Variants in PRDM5 observed in about 807,000 individuals in gnomAD.
PRDM5 encodes the protein PR domain zinc finger protein 5.
A neutral mutation model predicts 81.2 loss-of-function variants in PRDM5; 56 were observed. The observed-to-expected ratio is 0.69, with a 90% CI of 0.56 to 0.86. PRDM5 has a LOEUF of 0.86. PRDM5 is among the 40% of genes least tolerant of loss of function. The pLI is 0.00. For synonymous variants in PRDM5, 267 were observed against 256.4 expected (o/e 1.04, Z -0.39); for missense variants, 697 against 770.1 (o/e 0.91, Z 1.12).
downstream of PRDM5, among the ~76,000 whole-genome samples, chr4:120,687,703 G>A (rs1013172034): frequency 6.6e-6 from 1 of 152,138 alleles, no homozygotes; most frequent in East Asian, 1.9e-4. Context: ...AGTATTAAGA[G>A]GTGGGACTTT....
intron 10 of PRDM5, among the ~76,000 whole-genome samples, chr4:120,793,064 C>T (rs982579916): frequency 2.6e-5 from 4 of 152,186 alleles, no homozygotes; most frequent in African/African-American, 4.8e-5. Flanking sequence ...CAATATCAGC[C>T]CGTAGCCTGT....
chr4:120,885,926 C>T (rs1177434681), intron 2 of PRDM5: 1 of 151,980 alleles, frequency 6.6e-6, no homozygotes, highest in Non-Finnish European at 1.5e-5. Flanking sequence ...CTTCTAATTC[C>T]AAGCATTCTT....
intron 1 of PRDM5, among the ~76,000 whole-genome samples, chr4:120,920,588 C>T (rs903928839): frequency 5.3e-5 from 8 of 152,138 alleles, no homozygotes; most frequent in Non-Finnish European, 8.8e-5. Context: ...GCTTTGTCTT[C>T]GTCCTCAGAT....
In PRDM5 at chr4:120,821,276, G is replaced by T; in HGVS notation, c.370C>A (p.Leu124Met). 6.2e-7 allele frequency: 1 copy of T among 1,613,894 alleles called. No homozygotes were observed. ...ETDTELLIGY[L>M]DSDMEAEEEE... Reference sequence around the variant, plus strand: ...TCCTCAGCCTCCATGTCACTATCCAGGTAGCCAATCAGAAGCTCCGTGTCT... The same window carrying T: ...TCCTCAGCCTCCATGTCACTATCCATGTAGCCAATCAGAAGCTCCGTGTCT... The change falls in exon 4 of 16, where the codon CTG becomes ATG. Residue 124 changes from leucine (L) to methionine (M), a missense_variant. Leu to Met is a conservative substitution (Grantham distance 15). Transcript: ENST00000264808.
intron 10 of PRDM5, among the ~76,000 whole-genome samples, chr4:120,792,975 C>A (rs1257973319): frequency 6.6e-6 from 1 of 152,078 alleles, no homozygotes; most frequent in Admixed American, 6.5e-5. Flanking sequence ...GTTTCAGTTA[C>A]ACAGGATAAG....
intron 3 of PRDM5, among the ~76,000 whole-genome samples, chr4:120,826,962 A>G (rs755019245): frequency 2.0e-5 from 3 of 152,170 alleles, no homozygotes; most frequent in Non-Finnish European, 4.4e-5. Context: ...TTTGCTTTAA[A>G]TCTATCTCTT....
chr4:120,900,148 T>TA (rs956132737), intron 2 of PRDM5, among the ~76,000 whole-genome samples: 1 of 152,172 alleles, frequency 6.6e-6, no homozygotes. Context: ...TTTGGGTTTT[T>TA]ATGGAAGCTT....
At chr4:120,735,242 T>TC (rs1479202482) in intron 14 of PRDM5, among the ~76,000 whole-genome samples, 1 of 152,234 alleles carries the variant, frequency 6.6e-6, no homozygotes, top group Non-Finnish European at 1.5e-5. Flanking sequence ...CACCATGGTG[T>TC]CATCCAACTT....
chr4:120,910,141 GAAAAACACTGACATT>G (rs1428033646), intron 1 of PRDM5, among the ~76,000 whole-genome samples: 1 of 151,876 alleles, frequency 6.6e-6, no homozygotes, highest in African/African-American at 2.4e-5. Flanking sequence ...TTCACAGCTT[GAAAAACACTGACATT>G]AAAAACACTG....
chr4:120,780,082 G>A (rs1447827578), intron 12 of PRDM5, among the ~76,000 whole-genome samples: 2 of 151,204 alleles, frequency 1.3e-5, no homozygotes, highest in African/African-American at 2.5e-5. Flanking sequence ...GATAGATACT[G>A]AAACAGGAGT....
At chr4:120,839,894 G>A (rs998269689) in intron 3 of PRDM5, among the ~76,000 whole-genome samples, 3 of 152,222 alleles carry the variant, frequency 2.0e-5, no homozygotes, top group African/African-American at 7.2e-5. Context: ...GGGGAGCTGA[G>A]GCAGCAGGCA....
At chr4:120,731,439 T>C (rs1740240566) in intron 14 of PRDM5, among the ~76,000 whole-genome samples, 1 of 150,826 alleles carries the variant, frequency 6.6e-6, no homozygotes, top group African/African-American at 2.4e-5. Flanking sequence ...GAAGGAGATG[T>C]CAGTTAAAGC....
At chr4:120,810,989 CATAACAAAAGTAAAATTTT>C (rs1400095783) in intron 8 of PRDM5, among the ~76,000 whole-genome samples, 1 of 152,018 alleles carries the variant, frequency 6.6e-6, no homozygotes. Context: ...TTTTACAAAC[CATAACAAAAGTAAAATTTT>C]ATTTTCACGA....
chr4:120,749,461 C>A (rs1743644529), intron 14 of PRDM5, among the ~76,000 whole-genome samples: 1 of 152,142 alleles, frequency 6.6e-6, no homozygotes, highest in Non-Finnish European at 1.5e-5. Flanking sequence ...GTGGCACAGA[C>A]AAGGTCCGAG....
intron 14 of PRDM5, among the ~76,000 whole-genome samples, chr4:120,749,376 T>C (rs1455487340): frequency 6.6e-6 from 1 of 152,120 alleles, no homozygotes; most frequent in East Asian, 1.9e-4. Flanking sequence ...CAGCCACTCA[T>C]CTGTTTTCCA....
At chr4:120,774,893 T>TAC (rs1747859361) in intron 13 of PRDM5, among the ~76,000 whole-genome samples, 2 of 140,588 alleles carry the variant, frequency 1.4e-5, no homozygotes, top group East Asian at 2.0e-4. Context: ...TCTTTCTATA[T>TAC]ATATATATAT....
downstream of PRDM5, among the ~76,000 whole-genome samples, chr4:120,689,807 G>A (rs1273185493): frequency 1.3e-5 from 2 of 151,834 alleles, no homozygotes; most frequent in African/African-American, 4.8e-5. Context: ...TAGAGATGGG[G>A]TTTCGCCATG....
At chr4:120,697,668 CTATTTTTTT>C (rs1734696432) in intron 15 of PRDM5, among the ~76,000 whole-genome samples, 2 of 42,862 alleles carry the variant, frequency 4.7e-5, no homozygotes, top group Non-Finnish European at 6.8e-5. Context: ...GCCCAGCTAA[CTATTTTTTT>C]TTTTTTTTTT....
intron 8 of PRDM5, chr4:120,810,325 G>C (rs13110308): frequency 0.38 from 58,145 of 151,836 alleles, 11,310 homozygotes; most frequent in East Asian, 0.5. Context: ...TAATTGTTTT[G>C]TCTCTGCAGA....
Sources: allele counts gnomAD v4.1 joint callset (sites outside exome capture counted in the v4.1 genomes callset), GRCh38; gene constraint gnomAD v4.1.1; transcripts MANE v1.5; gene names NCBI Gene and HGNC (gene_info 2026-07-23, HGNC 2026-07-21).